Variants in ZNF197 observed in about 807,000 individuals in gnomAD.
The protein encoded by ZNF197 is zinc finger protein 197.
In ZNF197, 14 loss-of-function variants were observed where a neutral mutation model predicts 27.4. The ratio of observed to expected loss-of-function variants is 0.51; its 90% CI spans 0.34 to 0.80. ZNF197 has a LOEUF of 0.80. Ranked by LOEUF, ZNF197 falls within the 30% of genes least tolerant of loss-of-function variation. The probability of loss-of-function intolerance (pLI) is 0.02; values close to 1 mark genes in which losing one functional copy is unlikely to be tolerated. For missense variants in ZNF197, 1,090 were observed against 1,222.6 expected (o/e 0.89, Z 1.62); for synonymous variants, 415 against 420.0 (o/e 0.99, Z 0.15).
rs1702643233 is a variant in ZNF197, at chr3:44,642,160, T to G, written c.1030T>G (p.Trp344Gly). The G allele has an allele frequency of 1.9e-6, 3 of 1,613,950 alleles. No homozygotes were observed. Among genetic ancestry groups the G allele is most frequent in the Non-Finnish European group, 2.5e-6 (3 of 1,179,950 alleles). Residue 344 changes from tryptophan (W) to glycine (G), a missense_variant, in exon 6 of 6, where the codon TGG (tryptophan) becomes GGG (glycine). Coordinates refer to ENST00000344387, the MANE Select transcript of ZNF197 (RefSeq NM_006991.5). ...TCCACCAGAGAAACAAGGCCAAAAG[T>G]GGAAGGAATTAGGAGACAGCTTGAC... ...RTPPEKQGQK[W>G]KELGDSLTFG...
In ZNF197 at chr3:44,643,468, CATA is replaced by C. The variant is rs1300856190; in HGVS notation, c.2340_2342del (p.His780_Lys781delinsGln). Reference sequence around the variant, plus strand: ...CAGTTCAAACAGAAACCTCATTGAGCATAAGAGAATCCACAGTGGTGAGAAACC... The same window carrying C: ...CAGTTCAAACAGAAACCTCATTGAGCAGAGAATCCACAGTGGTGAGAAACC... On this transcript the variant is annotated inframe_deletion, in exon 6 of 6. Transcript: ENST00000344387. The C allele has an allele frequency of 6.2e-7, 1 of 1,614,162 alleles. No individual in the cohort carries two copies. Among genetic ancestry groups the C allele is most frequent in the Admixed American group, 1.7e-5 (1 of 60,022 alleles).
At chr3:44,627,487 T>C (rs1701738261) in intron 1 of ZNF197, among the ~76,000 whole-genome samples, 2 of 152,160 alleles carry the variant, frequency 1.3e-5, no homozygotes, top group Non-Finnish European at 2.9e-5. Context: ...CTGGAATGGC[T>C]TTCCTCATAG....
Position 44,644,085 on chromosome 3 carries a change from T to G in ZNF197, c.2955T>G (p.Pro985=). ...VHQKIHTDEK[P]CECDVSEKEF... ...AGAAAATCCACACAGATGAAAAACCTTGTGAATGTGATGTGTCTGAAAAAG... is the reference window on the plus strand; with the variant it reads ...AGAAAATCCACACAGATGAAAAACCGTGTGAATGTGATGTGTCTGAAAAAG... The change falls in exon 6 of 6, where the codon CCT becomes CCG. Residue 985 remains proline (P), a synonymous_variant. Transcript: ENST00000344387. The G allele has an allele frequency of 6.2e-7, 1 of 1,614,106 alleles. No individual in the cohort carries two copies. The highest frequency in any genetic ancestry group is 1.1e-5 in the South Asian group (1 of 91,070).
rs911498722 is a variant in ZNF197 at position 44,645,640 on chromosome 3, G to A, written c.*1420G>A. 6 of 985,226 alleles carry A rather than the reference G, an allele frequency of 6.1e-6. No individual in the cohort carries two copies. Among genetic ancestry groups the A allele is most frequent in the South Asian group, 4.7e-5 (1 of 21,286 alleles). 61.0% of individuals were successfully genotyped at this position (985,226 alleles called of 1,614,324 possible). On this transcript the variant is annotated 3_prime_UTR_variant, in exon 6 of 6. Coordinates refer to ENST00000344387, the MANE Select transcript of ZNF197 (RefSeq NM_006991.5). ...TCAGAGGGAAAAAAATCCTTGACCCGCAGTTGAGCTGATGATCCCTGCCAC... is the reference window on the plus strand; with the variant it reads ...TCAGAGGGAAAAAAATCCTTGACCCACAGTTGAGCTGATGATCCCTGCCAC...
intron 5 of ZNF197, among the ~76,000 whole-genome samples, chr3:44,637,162 C>G (rs1660325191): frequency 6.6e-6 from 1 of 151,908 alleles, no homozygotes; most frequent in Non-Finnish European, 1.5e-5. Context: ...GGGGTCTTGC[C>G]CTGTTGCCCA....
In ZNF197 at chr3:44,643,360, A is replaced by G. The variant is rs571985009; in HGVS notation, c.2230A>G (p.Ser744Gly). The part of the protein sequence containing the change: ...YKCEDCGKAF[S>G]YNSSLLVHRR... ...ATGTGAGGATTGTGGGAAGGCTTTC[A>G]GTTACAATTCAAGCCTGCTTGTACA... Residue 744 changes from serine (S) to glycine (G), a missense_variant, in exon 6 of 6, where the codon AGT (serine) becomes GGT (glycine). Ser to Gly is a moderately conservative substitution (Grantham distance 56). Transcript: ENST00000344387. 18 of 1,614,086 alleles carry G rather than the reference A, an allele frequency of 1.1e-5. No homozygotes were observed. The highest frequency in any genetic ancestry group is 1.5e-5 in the Non-Finnish European group (18 of 1,180,028).
chr3:44,644,176 C>T lies in ZNF197; in HGVS notation c.3046C>T (p.Leu1016=). The T allele has an allele frequency of 6.2e-7, 1 of 1,610,580 alleles. No individual in the cohort carries two copies. Among genetic ancestry groups the T allele is most frequent in the Non-Finnish European group, 8.5e-7 (1 of 1,178,846 alleles). The stretch of plus-strand genomic sequence containing the variant: ...CCATACCATTGAGGAATTCTCTTGG[C>T]TACAAAACACCAATGAGTCCAAGAT... The part of the protein sequence containing the change: ...KIHTIEEFSW[L]QNTNESKIEI... Residue 1016 remains leucine, a synonymous_variant, in exon 6 of 6, where the codon CTA becomes TTA. Transcript: ENST00000344387.
In ZNF197 at chr3:44,631,121, A is replaced by G. The variant is rs1200312401; in HGVS notation, c.450A>G (p.Thr150=). Residue 150 remains threonine, a synonymous_variant, in exon 3 of 6, where the codon ACA becomes ACG. Transcript: ENST00000344387. The stretch of plus-strand genomic sequence containing the variant: ...AGAAGGTGGTGAGTGCCCCAGGAAC[A>G]ACACTTCCTCCTGTACTTCCTGGCA... ...TLQKVVSAPG[T]TLPPVLPGSH... The G allele has an allele frequency of 3.1e-6, 5 of 1,614,142 alleles. No homozygotes were observed. In the African/African-American group the frequency reaches 5.3e-5, roughly 17 times the overall value.
rs777751650 is a variant in ZNF197, at chr3:44,641,966, C to G, written c.836C>G (p.Ser279Cys). ...SKPSSSQRAD[S>C]HKGTSKRLQG... ...CCAAGTAGTTCTCAAAGAGCAGACT[C>G]TCATAAAGGAACATCAAAAAGACTT... is the stretch of plus-strand genomic sequence containing the variant. Residue 279 changes from serine to cysteine, a missense_variant, in exon 6 of 6, where the codon TCT becomes TGT. Ser to Cys is a moderately radical substitution (Grantham distance 112, BLOSUM62 -1). Coordinates refer to ENST00000344387, the MANE Select transcript of ZNF197 (RefSeq NM_006991.5). The G allele has an allele frequency of 5.0e-6, 8 of 1,613,000 alleles. No individual in the cohort carries two copies. Among genetic ancestry groups the G allele is most frequent in the East Asian group, 4.5e-5 (2 of 44,826 alleles).
Position 44,632,137 on chromosome 3 carries a change from C to T in ZNF197, c.583C>T (p.Gln195Ter), listed in dbSNP as rs375370606. The T allele has an allele frequency of 6.2e-7, 1 of 1,614,160 alleles. No individual in the cohort carries two copies. ...SPAPEASALS[Q>*]EENPRNQLMA... ...TGCCCCTGAAGCTTCTGCCCTTTCC[C>T]AGGAAGAGAACCCAAGAAATCAATT... is the stretch of plus-strand genomic sequence containing the variant. The change falls in exon 4 of 6, where the codon CAG becomes TAG. Residue 195 changes from glutamine to a stop codon, truncating the protein, a stop_gained. Coordinates refer to ENST00000344387, the MANE Select transcript of ZNF197 (RefSeq NM_006991.5). LOFTEE classifies it high-confidence loss of function.
At chr3:44,628,571 A>G (rs980995646) in intron 1 of ZNF197, among the ~76,000 whole-genome samples, 3 of 152,264 alleles carry the variant, frequency 2.0e-5, no homozygotes, top group Non-Finnish European at 4.4e-5. Flanking sequence ...TCTGCGGAAC[A>G]TAGGAAAGAG....
At position 44,642,366 on chromosome 3, in the gene ZNF197, C is replaced by A. The variant is rs1702658605; in HGVS notation, c.1236C>A (p.Ser412Arg). The A allele has an allele frequency of 8.1e-6, 13 of 1,614,080 alleles. No individual in the cohort carries two copies. The highest frequency in any genetic ancestry group is 1.1e-5 in the Non-Finnish European group (13 of 1,180,020). ...ECGKGFIQRS[S>R]LLMHLRNHSG... ...GAAAAGGCTTTATTCAGCGTTCGAG[C>A]CTTCTAATGCATTTACGGAACCATT... The change falls in exon 6 of 6, where the codon AGC becomes AGA. Residue 412 changes from serine to arginine, a missense_variant. Ser to Arg is a moderately radical substitution (Grantham distance 110). Transcript: ENST00000344387.
At chr3:44,625,325 C>T (rs1183103090) in intron 1 of ZNF197, among the ~76,000 whole-genome samples, 182 bp downstream of exon 1, 1 of 152,196 alleles carries the variant, frequency 6.6e-6, no homozygotes, top group African/African-American at 2.4e-5. Flanking sequence ...AGGCAGCCGG[C>T]CCGAGGGAAG....
intron 5 of ZNF197, among the ~76,000 whole-genome samples, chr3:44,635,280 A>G (rs1213915819): frequency 1.3e-5 from 2 of 152,054 alleles, no homozygotes; most frequent in Non-Finnish European, 2.9e-5. Context: ...GTGCACTCCG[A>G]TGTTGTTGGG....
At position 44,644,699 on chromosome 3, in the gene ZNF197, CAT is replaced by C. The variant is rs938346908; in HGVS notation, c.*481_*482del. On this transcript the variant is annotated 3_prime_UTR_variant, in exon 6 of 6. Coordinates refer to ENST00000344387, the MANE Select transcript of ZNF197 (RefSeq NM_006991.5). ...CAAAAACATAATCCAAATCTAATAA[CAT>C]AGTTGTAAATGAGAGCAACAATAAA... 7.1e-6 allele frequency: 7 copies of C among 986,414 alleles called. No individual in the cohort carries two copies. In the African/African-American group the frequency reaches 1.2e-4, roughly 17 times the overall value. 61.1% of individuals were successfully genotyped at this position (986,414 alleles called of 1,614,324 possible). A position where few individuals can be genotyped will look rare whatever the true frequency, so the allele number is the denominator to read the frequency against.
At chr3:44,629,932 G>T (rs1701889148) in intron 2 of ZNF197, among the ~76,000 whole-genome samples, 2 of 152,208 alleles carry the variant, frequency 1.3e-5, no homozygotes, top group Admixed American at 1.3e-4. Context: ...GAGTATAAAA[G>T]GCAATAGCAG....
chr3:44,646,700 A>G lies in ZNF197; in HGVS notation c.*2480A>G. On this transcript the variant is annotated 3_prime_UTR_variant, in exon 6 of 6. Coordinates refer to ENST00000344387, the MANE Select transcript of ZNF197 (RefSeq NM_006991.5). ...TTCTCTGCTTTTGTGTATGTATGAAAATTTCGATATGAAAGGTATAAAACA... is the reference window on the plus strand; with the variant it reads ...TTCTCTGCTTTTGTGTATGTATGAAGATTTCGATATGAAAGGTATAAAACA... 1 of 557,504 alleles carries G rather than the reference A, an allele frequency of 1.8e-6. No individual in the cohort carries two copies. Among genetic ancestry groups the G allele is most frequent in the Non-Finnish European group, 3.2e-6 (1 of 311,878 alleles). The allele number at this position is 557,504 out of a possible 1,614,324, so 34.5% of individuals were successfully genotyped here.
intron 5 of ZNF197, among the ~76,000 whole-genome samples, chr3:44,634,929 C>T (rs1284553484): frequency 6.6e-6 from 1 of 152,028 alleles, no homozygotes; most frequent in African/African-American, 2.4e-5. Context: ...TCAAGCAAAC[C>T]TCCCACCCCA....
Position 44,644,821 on chromosome 3 carries a change from A to G in ZNF197, c.*601A>G. 1.0e-6 allele frequency: 1 copy of G among 979,078 alleles called. No individual in the cohort carries two copies. The highest frequency in any genetic ancestry group is 4.7e-5 in the South Asian group (1 of 21,144). The allele number at this position is 979,078 out of a possible 1,614,324, so 60.6% of individuals were successfully genotyped here. A position where few individuals can be genotyped will look rare whatever the true frequency, so the allele number is the denominator to read the frequency against. ...GATCCCTTGAGCCCAGGAGTTCGAG[A>G]CAAGCCTGGGTAACACGGGGAGACC... On this transcript the variant is annotated 3_prime_UTR_variant, in exon 6 of 6. Transcript: ENST00000344387.
Sources: gnomAD v4.1 joint callset for allele counts (sites outside exome capture counted in the v4.1 genomes callset) on GRCh38, gnomAD v4.1.1 for gene constraint, MANE v1.5 for transcripts, NCBI Gene and HGNC (gene_info 2026-07-23, HGNC 2026-07-21) for gene names.